ZBTB7C: variants seen among roughly 807,000 people sequenced by gnomAD.
ZBTB7C encodes the protein zinc finger and BTB domain-containing protein 7C.
ZBTB7C carries 8 observed loss-of-function variants against 25.7 expected under a neutral mutation model. The observed-to-expected ratio is 0.31, with a 90% confidence interval of 0.18 to 0.56. ZBTB7C has a LOEUF of 0.56. Among genes scored for constraint, ZBTB7C ranks in the 20% least tolerant of loss-of-function variants. The pLI, the probability that ZBTB7C is intolerant of heterozygous loss-of-function variation, is 0.91. For synonymous variants in ZBTB7C, 394 were observed against 369.0 expected (o/e 1.07, Z -0.78); for missense variants, 824 against 855.2 (o/e 0.96, Z 0.46).
chr18:48,350,853 T>C (rs2046848547), intron 1 of ZBTB7C, among the ~76,000 whole-genome samples: 1 of 152,146 alleles, frequency 6.6e-6, no homozygotes, highest in Non-Finnish European at 1.5e-5. Context: ...CCTGGATCCG[T>C]ATATAAAAGC....
intron 2 of ZBTB7C, among the ~76,000 whole-genome samples, chr18:48,312,955 G>A (rs2045858098): frequency 1.3e-5 from 2 of 152,122 alleles, no homozygotes; most frequent in Admixed American, 1.3e-4. Flanking sequence ...CACAGAGGCC[G>A]ATGCTAAATG....
intron 2 of ZBTB7C, among the ~76,000 whole-genome samples, chr18:48,277,638 C>T (rs1040644692): frequency 6.6e-6 from 1 of 152,226 alleles, no homozygotes; most frequent in African/African-American, 2.4e-5. Flanking sequence ...TGAAGGGCAA[C>T]CCCGGCTGGT....
rs1302394192 is a variant in ZBTB7C, at chr18:48,367,202, T to TATATATATAC, written c.-303-28805_-303-28804insGTATATATAT. 8.0e-3 allele frequency among the ~76,000 whole-genome samples: 503 copies of TATATATATAC among 63,182 alleles called. 2 individuals carry two copies. The highest frequency in any genetic ancestry group is 0.034 in the East Asian group (89 of 2,636). 41.4% of individuals were successfully genotyped at this position (63,182 alleles called of 152,430 possible). On this transcript the variant is annotated intron_variant, in intron 1 of 4. Coordinates refer to ENST00000590800, the MANE Select transcript of ZBTB7C (RefSeq NM_001318841.2). ...ATATATATATATATATATATATATA[T>TATATATATAC]ACACACACACACACACACACACACA...
chr18:48,406,679 G>A (rs762978613), intron 1 of ZBTB7C, among the ~76,000 whole-genome samples: 3 of 152,130 alleles, frequency 2.0e-5, no homozygotes, highest in Non-Finnish European at 4.4e-5. Context: ...AATTATACCC[G>A]GCAACTCTGC....
chr18:48,121,944 A>C (rs1481537868), intron 3 of ZBTB7C, among the ~76,000 whole-genome samples: 1 of 152,160 alleles, frequency 6.6e-6, no homozygotes, highest in Non-Finnish European at 1.5e-5. Context: ...TGTGGAGGAT[A>C]CAGCATTAAG....
chr18:48,195,210 A>G (rs1319279630), intron 2 of ZBTB7C, among the ~76,000 whole-genome samples: 1 of 152,146 alleles, frequency 6.6e-6, no homozygotes, highest in African/African-American at 2.4e-5. Flanking sequence ...ATTTTTTGGT[A>G]AATTGTTTCT....
intron 2 of ZBTB7C, among the ~76,000 whole-genome samples, chr18:48,325,757 G>A (rs2046202844): frequency 6.6e-6 from 1 of 152,194 alleles, no homozygotes; most frequent in South Asian, 2.1e-4. Context: ...GCATGGGACA[G>A]TATCTCAGGT....
chr18:48,045,326 A>G (rs2036426173), intron 3 of ZBTB7C, among the ~76,000 whole-genome samples: 1 of 151,940 alleles, frequency 6.6e-6, no homozygotes, highest in South Asian at 2.1e-4. Context: ...AGCCTCCCCT[A>G]CTCTGTGTAA....
intron 1 of ZBTB7C, among the ~76,000 whole-genome samples, chr18:48,344,569 G>T (rs1388621472): frequency 6.6e-6 from 1 of 152,172 alleles, no homozygotes; most frequent in African/African-American, 2.4e-5. Flanking sequence ...AACAGAGAAG[G>T]AGTAGAATTT....
chr18:48,040,570 G>T lies in ZBTB7C; in HGVS notation c.538C>A (p.Pro180Thr). ...DFADQENLPD[P>T]QDISCHQSPS... ...CTTTGGTGGCAGCTGATGTCCTGGGGGTCAGGCAAGTTTTCTTGGTCAGCA... is the reference window on the plus strand; with the variant it reads ...CTTTGGTGGCAGCTGATGTCCTGGGTGTCAGGCAAGTTTTCTTGGTCAGCA... Residue 180 changes from proline (P) to threonine (T), a missense_variant, in exon 4 of 5, where the codon CCC (proline) becomes ACC (threonine). Around this residue, in one of 4 missense-constraint regions of ZBTB7C, gnomAD observed 316 missense variants for 299.2 expected, o/e 1.06. Transcript: ENST00000590800. 3 of 1,613,996 alleles carry T rather than the reference G, an allele frequency of 1.9e-6. No individual in the cohort carries two copies. Among genetic ancestry groups the T allele is most frequent in the South Asian group, 1.1e-5 (1 of 91,074 alleles).
intron 2 of ZBTB7C, among the ~76,000 whole-genome samples, chr18:48,251,253 A>G (rs1768049744): frequency 6.6e-6 from 1 of 152,128 alleles, no homozygotes; most frequent in South Asian, 2.1e-4. Flanking sequence ...AAAGAATATA[A>G]AAGAAAATGT....
At chr18:48,295,746 G>T (rs1187785126) in intron 2 of ZBTB7C, among the ~76,000 whole-genome samples, 1 of 152,164 alleles carries the variant, frequency 6.6e-6, no homozygotes, top group Non-Finnish European at 1.5e-5. Context: ...AACTCTAGGT[G>T]GCAGGCCTGA....
chr18:48,318,763 G>A (rs1349772623), intron 2 of ZBTB7C, among the ~76,000 whole-genome samples: 1 of 152,160 alleles, frequency 6.6e-6, no homozygotes, highest in African/African-American at 2.4e-5. Flanking sequence ...AATATTCAAA[G>A]AGTCTCTCCC....
intron 3 of ZBTB7C, among the ~76,000 whole-genome samples, chr18:48,128,999 CTAA>C (rs2039898549): frequency 6.6e-6 from 1 of 151,968 alleles, no homozygotes; most frequent in Non-Finnish European, 1.5e-5. Flanking sequence ...CTGGATTTTC[CTAA>C]TAACTAGGTT....
intron 3 of ZBTB7C, among the ~76,000 whole-genome samples, chr18:48,089,397 G>A (rs575050399): frequency 7.9e-5 from 12 of 151,768 alleles, no homozygotes; most frequent in Admixed American, 2.6e-4. Flanking sequence ...GCTTGAACCC[G>A]GGAGGCGGAG....
intron 3 of ZBTB7C, among the ~76,000 whole-genome samples, chr18:48,168,836 A>G (rs1189346309): frequency 6.6e-6 from 1 of 152,236 alleles, no homozygotes; most frequent in Non-Finnish European, 1.5e-5. Context: ...TCTTATGCCT[A>G]TCCCCCTTCT....
intron 4 of ZBTB7C, among the ~76,000 whole-genome samples, chr18:48,036,403 G>C (rs574217821): frequency 1.3e-5 from 2 of 152,164 alleles, no homozygotes; most frequent in Non-Finnish European, 2.9e-5. Flanking sequence ...GCATCTGGGA[G>C]GCTGTGACTC....
intron 3 of ZBTB7C, among the ~76,000 whole-genome samples, chr18:48,058,683 C>A (rs371165606): frequency 6.6e-6 from 1 of 152,216 alleles, no homozygotes; most frequent in African/African-American, 2.4e-5. Flanking sequence ...CCCGTGCAGT[C>A]CCCTCCTGCA....
At chr18:48,100,184 T>A (rs917770876) in intron 3 of ZBTB7C, among the ~76,000 whole-genome samples, 1 of 152,206 alleles carries the variant, frequency 6.6e-6, no homozygotes, top group Non-Finnish European at 1.5e-5. Context: ...ATCAGCAGAT[T>A]AGAATTGGAA....
Sources: gnomAD v4.1 joint callset for allele counts (sites outside exome capture counted in the v4.1 genomes callset) on GRCh38, gnomAD v4.1.1 for gene constraint, gnomAD v4.1.1 regional missense constraint, MANE v1.5 for transcripts, NCBI Gene and HGNC (gene_info 2026-07-23, HGNC 2026-07-21) for gene names.